The following ST7 variants were observed in gnomAD, a reference collection of about 807,000 sequenced individuals.
ST7 encodes suppression of tumorigenicity 7.
In ST7, 28 loss-of-function variants were observed where a neutral mutation model predicts 78.7. The ratio of observed to expected loss-of-function variants is 0.36; its 90% CI spans 0.26 to 0.49. The LOEUF is 0.49. ST7 is among the 20% of genes least tolerant of loss of function. The pLI, the probability that ST7 is intolerant of heterozygous loss-of-function variation, is 0.99. For synonymous variants in ST7, 247 were observed against 249.6 expected (o/e 0.99, Z 0.10); for missense variants, 418 against 696.0 (o/e 0.60, Z 4.49).
chr7:116,994,405 T>TC (rs1469392766), intron 1 of ST7, among the ~76,000 whole-genome samples: 3 of 152,226 alleles, frequency 2.0e-5, no homozygotes, highest in Admixed American at 1.3e-4. Flanking sequence ...AAGACATCTT[T>TC]CCAAAAGCAT....
chr7:117,006,550 A>AT (rs1022263956), intron 1 of ST7, among the ~76,000 whole-genome samples: 1 of 152,202 alleles, frequency 6.6e-6, no homozygotes, highest in Non-Finnish European at 1.5e-5. Context: ...TAAAGTTAAT[A>AT]TTTTTCAACA....
At chr7:117,213,985 G>A (rs187652399) in intron 13 of ST7, among the ~76,000 whole-genome samples, 1 of 152,066 alleles carries the variant, frequency 6.6e-6, no homozygotes, top group Non-Finnish European at 1.5e-5. Flanking sequence ...CACCTATGGG[G>A]CCCTATTTTA....
chr7:117,069,636 TC>T (rs1279825087), intron 1 of ST7, among the ~76,000 whole-genome samples: 1 of 152,220 alleles, frequency 6.6e-6, no homozygotes, highest in East Asian at 1.9e-4. Flanking sequence ...ACTTGTTACT[TC>T]TGTGGAGACT....
chr7:116,958,544 T>C (rs1252414477), intron 1 of ST7: 2 of 465,298 alleles, frequency 4.3e-6, no homozygotes, highest in Admixed American at 4.8e-5. Flanking sequence ...GTGCCTGTTG[T>C]CTAAAATGTT....
At chr7:117,041,544 T>C (rs1189121987) in intron 1 of ST7, among the ~76,000 whole-genome samples, 3 of 152,224 alleles carry the variant, frequency 2.0e-5, no homozygotes, top group Non-Finnish European at 4.4e-5. Context: ...CTATAAATTG[T>C]TTCCCATTTG....
chr7:117,194,584 G>T (rs1332789692), intron 12 of ST7, among the ~76,000 whole-genome samples: 2 of 152,164 alleles, frequency 1.3e-5, no homozygotes, highest in Non-Finnish European at 2.9e-5. Context: ...AGAAGACAAA[G>T]AAATCTTGAA....
intron 1 of ST7, among the ~76,000 whole-genome samples, chr7:117,056,734 T>C (rs995441039): frequency 6.6e-6 from 1 of 152,106 alleles, no homozygotes; most frequent in African/African-American, 2.4e-5. Context: ...CACAAGGATC[T>C]TGAAGAAATA....
chr7:117,174,826 T>C (rs1808239637), intron 10 of ST7, among the ~76,000 whole-genome samples: 1 of 152,192 alleles, frequency 6.6e-6, no homozygotes, highest in African/African-American at 2.4e-5. Context: ...TTTGTGAGAT[T>C]AAATAACTTA....
intron 2 of ST7, among the ~76,000 whole-genome samples, chr7:117,101,748 C>T (rs1012091906): frequency 2.0e-5 from 3 of 152,106 alleles, no homozygotes; most frequent in Non-Finnish European, 2.9e-5. Flanking sequence ...TATTAAGCAG[C>T]CAACTCCAGA....
intron 1 of ST7, among the ~76,000 whole-genome samples, chr7:117,082,851 A>G (rs1410212636): frequency 1.3e-5 from 2 of 152,202 alleles, no homozygotes; most frequent in African/African-American, 2.4e-5. Context: ...TATAAAATGT[A>G]TTTACTAACA....
At position 117,106,384 on chromosome 7, in the gene ST7, C is replaced by CT. The variant is rs985026489; in HGVS notation, c.234+6548dup. Among the ~76,000 whole-genome samples, 108 of 151,922 alleles carry CT rather than the reference C, an allele frequency of 7.1e-4. 1 individual carries two copies. Among genetic ancestry groups the CT allele is most frequent in the African/African-American group, 2.6e-3 (106 of 41,438 alleles). On this transcript the variant is annotated intron_variant, in intron 2 of 15. Coordinates refer to ENST00000323984, the MANE Select transcript of ST7 (RefSeq NM_001369598.1). ...GTCTTCATGTTCCTACCTTAATATT[C>CT]TTTTTTTTCTTTCAAAGCTTGTTTA... is the stretch of plus-strand genomic sequence containing the variant.
intron 1 of ST7, among the ~76,000 whole-genome samples, chr7:117,009,382 C>G (rs1007011262): frequency 4.0e-5 from 6 of 151,464 alleles, no homozygotes; most frequent in Admixed American, 3.3e-4. Context: ...AGACCAAAAC[C>G]ACACAGGAAG....
chr7:117,147,901 A>T (rs901678182), intron 9 of ST7, among the ~76,000 whole-genome samples: 1 of 151,990 alleles, frequency 6.6e-6, no homozygotes, highest in Non-Finnish European at 1.5e-5. Context: ...AGCATACATC[A>T]TATGATATTG....
chr7:116,974,398 C>T (rs572325078), intron 1 of ST7, among the ~76,000 whole-genome samples: 2 of 152,020 alleles, frequency 1.3e-5, no homozygotes, highest in South Asian at 2.1e-4. Context: ...CGACATTCTC[C>T]TTCCTGCCTC....
chr7:117,007,743 T>C (rs909558468), intron 1 of ST7, among the ~76,000 whole-genome samples: 3 of 152,198 alleles, frequency 2.0e-5, no homozygotes, highest in East Asian at 3.8e-4. Context: ...CACATTGCCA[T>C]GCAACCAGTC....
intron 1 of ST7, among the ~76,000 whole-genome samples, chr7:117,026,365 C>T (rs1021703554): frequency 6.6e-6 from 1 of 151,926 alleles, no homozygotes; most frequent in Non-Finnish European, 1.5e-5. Context: ...GTATTGATAT[C>T]CTTCCATTTT....
chr7:117,146,818 A>T (rs1805828823), intron 9 of ST7, among the ~76,000 whole-genome samples: 1 of 152,196 alleles, frequency 6.6e-6, no homozygotes, highest in African/African-American at 2.4e-5. Flanking sequence ...GAAAATTACG[A>T]GTTCAGTTTT....
At chr7:116,957,252 G>C (rs56043184) in intron 1 of ST7, 6 of 152,136 alleles carry the variant, frequency 3.9e-5, no homozygotes, top group Non-Finnish European at 7.3e-5. Flanking sequence ...ACCATACAGA[G>C]AAACCTTAAC....
chr7:117,009,909 C>G (rs542645159), intron 1 of ST7, among the ~76,000 whole-genome samples: 1 of 152,164 alleles, frequency 6.6e-6, no homozygotes, highest in East Asian at 1.9e-4. Context: ...TTTGCAGCCA[C>G]TGAGAACCGG....
Sources: gnomAD v4.1 joint callset for allele counts (sites outside exome capture counted in the v4.1 genomes callset) on GRCh38, gnomAD v4.1.1 for gene constraint, MANE v1.5 for transcripts, NCBI Gene and HGNC (gene_info 2026-07-23, HGNC 2026-07-21) for gene names.